Variants in DKK2 observed in about 807,000 individuals in gnomAD.
DKK2 encodes the protein dickkopf-related protein 2.
A neutral mutation model predicts 28.1 loss-of-function variants in DKK2; 11 were observed. The ratio of observed to expected loss-of-function variants is 0.39; its 90% CI spans 0.25 to 0.65. The LOEUF is 0.65. DKK2 is among the 30% of genes least tolerant of loss of function. DKK2 has a pLI of 0.47. For missense variants in DKK2, 326 were observed against 335.5 expected, an observed-to-expected ratio of 0.97 and a Z score of 0.22; for synonymous variants, 135 against 126.5, an observed-to-expected ratio of 1.07 and a Z score of -0.45.
At chr4:106,966,291 A>T (rs1722780189) in intron 1 of DKK2, among the ~76,000 whole-genome samples, 1 of 152,092 alleles carries the variant, frequency 6.6e-6, no homozygotes, top group Admixed American at 6.6e-5. Flanking sequence ...GGCTTTTGTG[A>T]TGTACCACTC....
chr4:106,950,275 C>T (rs1270264426), intron 1 of DKK2, among the ~76,000 whole-genome samples: 1 of 152,074 alleles, frequency 6.6e-6, no homozygotes, highest in Non-Finnish European at 1.5e-5. Flanking sequence ...TTCTAATTTC[C>T]CTTCTCACTC....
At chr4:107,020,752 T>G (rs1405950042) in intron 1 of DKK2, among the ~76,000 whole-genome samples, 1 of 152,020 alleles carries the variant, frequency 6.6e-6, no homozygotes, top group Non-Finnish European at 1.5e-5. Context: ...TTAAAAATAA[T>G]TTTTGACAGG....
At chr4:106,966,241 C>A (rs1321485909) in intron 1 of DKK2, among the ~76,000 whole-genome samples, 1 of 152,060 alleles carries the variant, frequency 6.6e-6, no homozygotes, top group Non-Finnish European at 1.5e-5. Flanking sequence ...ATAACCACCT[C>A]GTAATTTGAT....
intron 1 of DKK2, among the ~76,000 whole-genome samples, chr4:107,026,147 T>C (rs1010778751): frequency 1.3e-5 from 2 of 152,206 alleles, no homozygotes; most frequent in Non-Finnish European, 2.9e-5. Flanking sequence ...GTCTGTTGTA[T>C]AAGTTCTTGA....
intron 1 of DKK2, among the ~76,000 whole-genome samples, chr4:106,987,752 G>A (rs1198255240): frequency 1.3e-5 from 2 of 151,672 alleles, no homozygotes; most frequent in African/African-American, 4.8e-5. Context: ...TTCTTCATTT[G>A]TTTCCTTTAG....
intron 1 of DKK2, among the ~76,000 whole-genome samples, chr4:106,950,956 T>C (rs1724849683): frequency 6.6e-6 from 1 of 152,172 alleles, no homozygotes; most frequent in South Asian, 2.1e-4. Context: ...TACCATATTC[T>C]GACTTTTATT....
chr4:107,005,592 T>C (rs1723427452), intron 1 of DKK2, among the ~76,000 whole-genome samples: 1 of 152,090 alleles, frequency 6.6e-6, no homozygotes, highest in Admixed American at 6.5e-5. Context: ...CCTTGGGTGG[T>C]ATTTGGTGTA....
intron 1 of DKK2, among the ~76,000 whole-genome samples, chr4:106,949,184 G>C (rs965781056): frequency 6.6e-6 from 1 of 152,160 alleles, no homozygotes; most frequent in Non-Finnish European, 1.5e-5. Flanking sequence ...AGAGTCAACA[G>C]TAGGGCTGAC....
At position 106,989,699 on chromosome 4, in the gene DKK2, C is replaced by T. The variant is rs78000878; in HGVS notation, c.222+45671G>A. Among the ~76,000 whole-genome samples, 660 of 152,178 alleles carry T rather than the reference C, an allele frequency of 4.3e-3. 7 individuals carry two copies. The highest frequency in any genetic ancestry group is 0.015 in the African/African-American group (631 of 41,504). On this transcript the variant is annotated intron_variant, in intron 1 of 3. Coordinates refer to ENST00000285311, the MANE Select transcript of DKK2 (RefSeq NM_014421.3). ...TTAAAAATAGCGTTGTAATTTAGCT[C>T]ACAAGGAATAAAATGAATTAATCAT...
chr4:106,965,584 T>C (rs1352485699), intron 1 of DKK2, among the ~76,000 whole-genome samples: 1 of 152,120 alleles, frequency 6.6e-6, no homozygotes, highest in Non-Finnish European at 1.5e-5. Flanking sequence ...GTGGTACTTA[T>C]AGTAATTTAA....
At chr4:106,970,259 A>G (rs1469965389) in intron 1 of DKK2, among the ~76,000 whole-genome samples, 2 of 152,100 alleles carry the variant, frequency 1.3e-5, no homozygotes, top group African/African-American at 4.8e-5. Flanking sequence ...GGATTGTTTA[A>G]TTAAGGAGAT....
intron 1 of DKK2, among the ~76,000 whole-genome samples, chr4:106,939,983 T>A (rs1207394863): frequency 6.6e-6 from 1 of 152,164 alleles, no homozygotes; most frequent in Non-Finnish European, 1.5e-5. Flanking sequence ...GACTTAAACG[T>A]TAGACCTAAA....
intron 1 of DKK2, among the ~76,000 whole-genome samples, chr4:107,024,284 T>C (rs995620891): frequency 2.6e-5 from 4 of 151,882 alleles, no homozygotes; most frequent in African/African-American, 9.7e-5. Flanking sequence ...CAGAAAAAAA[T>C]AAAGACATAG....
At chr4:106,945,792 G>C (rs2110345191) in intron 1 of DKK2, among the ~76,000 whole-genome samples, 1 of 152,226 alleles carries the variant, frequency 6.6e-6, no homozygotes, top group South Asian at 2.1e-4. Context: ...GACAAGATTT[G>C]CCGAAAATAA....
intron 1 of DKK2, among the ~76,000 whole-genome samples, chr4:107,031,527 A>G (rs1271644328): frequency 6.6e-6 from 1 of 152,020 alleles, no homozygotes; most frequent in Non-Finnish European, 1.5e-5. Flanking sequence ...CATCCAAACC[A>G]CTATCCTTGA....
In DKK2 at chr4:107,035,482, G is replaced by A. The variant is rs770020292; in HGVS notation, c.110C>T (p.Ser37Phe). ...QIGSSRAKLN[S>F]IKSSLGGETP... Reference sequence around the variant, plus strand: ...CTCCCCGCCCAGAGAGGACTTGATGGAGTTGAGTTTGGCCCGCGAACTGCC... The same window carrying A: ...CTCCCCGCCCAGAGAGGACTTGATGAAGTTGAGTTTGGCCCGCGAACTGCC... Residue 37 changes from serine (S) to phenylalanine (F), a missense_variant, in exon 1 of 4, where the codon TCC becomes TTC. Physicochemically the swap from Ser to Phe is radical, Grantham distance 155. Coordinates refer to ENST00000285311, the MANE Select transcript of DKK2 (RefSeq NM_014421.3). 5.6e-6 allele frequency: 9 copies of A among 1,614,086 alleles called. No homozygotes were observed. In the African/African-American group the frequency reaches 1.2e-4, roughly 22 times the overall value.
intron 1 of DKK2, among the ~76,000 whole-genome samples, chr4:107,017,256 T>C (rs973118037): frequency 5.9e-5 from 9 of 151,960 alleles, no homozygotes; most frequent in African/African-American, 2.2e-4. Context: ...TATGGTTCAT[T>C]TTAGATTAAT....
intron 1 of DKK2, among the ~76,000 whole-genome samples, chr4:107,022,796 G>A (rs1048163794): frequency 6.6e-6 from 1 of 152,040 alleles, no homozygotes; most frequent in Admixed American, 6.6e-5. Context: ...AGTAAAAAAG[G>A]ATTAATATTA....
intron 1 of DKK2, among the ~76,000 whole-genome samples, chr4:106,962,315 T>G (rs1722697896): frequency 6.6e-6 from 1 of 152,066 alleles, no homozygotes; most frequent in African/African-American, 2.4e-5. Context: ...AATCCAAAAT[T>G]TATATGGACC....
Sources: allele counts gnomAD v4.1 joint callset (sites outside exome capture counted in the v4.1 genomes callset), GRCh38; gene constraint gnomAD v4.1.1; transcripts MANE v1.5; gene names NCBI Gene and HGNC (gene_info 2026-07-23, HGNC 2026-07-21).